Variants in RPSA2 observed in about 807,000 individuals in gnomAD.
RPSA2 encodes ribosomal protein SA 2.
the RPSA2 span, among the ~76,000 whole-genome samples, chr19:23,864,315 T>G: frequency 8.5e-5 from 13 of 152,220 alleles, no homozygotes; most frequent in Non-Finnish European, 7.3e-5. Context: ...ATGTATTTCT[T>G]TATTAACATT....
At chr19:23,813,536 AT>A in the RPSA2 span, among the ~76,000 whole-genome samples, 2 of 151,842 alleles carry the variant, frequency 1.3e-5, no homozygotes, top group South Asian at 4.1e-4. Flanking sequence ...GATTTTTAAG[AT>A]TTTTTTTAAG....
chr19:23,848,120 G>C, the RPSA2 span, among the ~76,000 whole-genome samples: 7 of 152,292 alleles, frequency 4.6e-5, no homozygotes, highest in African/African-American at 1.7e-4. Context: ...TACATCCTCA[G>C]CTTATGAAGA....
chr19:23,761,934 T>TCTTTCTCTCTCTCTCTCTC, the RPSA2 span, among the ~76,000 whole-genome samples: 4 of 129,892 alleles, frequency 3.1e-5, no homozygotes, highest in Non-Finnish European at 1.6e-5. Flanking sequence ...TTTTTTTTTT[T>TCTTTCTCTCTCTCTCTCTC]TGAGATGGAG....
the RPSA2 span, among the ~76,000 whole-genome samples, chr19:23,840,668 A>T: frequency 6.6e-6 from 1 of 152,192 alleles, no homozygotes; most frequent in Non-Finnish European, 1.5e-5. Context: ...TAGAAATTAC[A>T]AAACATGCGC....
chr19:23,869,629 CCTT>C, the RPSA2 span, among the ~76,000 whole-genome samples: 294 of 152,302 alleles, frequency 1.9e-3, no homozygotes, highest in African/African-American at 6.2e-3. Flanking sequence ...TTTGAATACT[CCTT>C]CTTTATACCA....
the RPSA2 span, among the ~76,000 whole-genome samples, chr19:23,775,746 A>G: frequency 3.3e-5 from 5 of 152,230 alleles, no homozygotes; most frequent in African/African-American, 1.2e-4. Context: ...TTAGTCTGTG[A>G]TTCCACTAAG....
At chr19:23,826,854 T>G in the RPSA2 span, among the ~76,000 whole-genome samples, 2 of 130,824 alleles carry the variant, frequency 1.5e-5, no homozygotes, top group Middle Eastern at 7.3e-3. Flanking sequence ...TTTGGCTAAT[T>G]TTTGTATTTT....
At chr19:23,867,407 A>G in the RPSA2 span, among the ~76,000 whole-genome samples, 1 of 152,260 alleles carries the variant, frequency 6.6e-6, no homozygotes, top group African/African-American at 2.4e-5. Context: ...TGGATATGAG[A>G]CTTACAAATG....
At chr19:23,853,537 C>A in the RPSA2 span, among the ~76,000 whole-genome samples, 1 of 152,226 alleles carries the variant, frequency 6.6e-6, no homozygotes, top group African/African-American at 2.4e-5. Context: ...GGAGGCATGG[C>A]ATTGGCTGCC....
At chr19:23,758,685 G>A in the RPSA2 span, 6 of 1,613,476 alleles carry the variant, frequency 3.7e-6, no homozygotes, top group Non-Finnish European at 5.1e-6. Context: ...TGACTGCGGC[G>A]AGGTCTGAGT....
At chr19:23,763,626 G>A in the RPSA2 span, among the ~76,000 whole-genome samples, 1 of 152,030 alleles carries the variant, frequency 6.6e-6, no homozygotes, top group Non-Finnish European at 1.5e-5. Flanking sequence ...GCGCCACCCC[G>A]CCTGGCTAAT....
At chr19:23,835,570 G>A in the RPSA2 span, among the ~76,000 whole-genome samples, 1 of 151,974 alleles carries the variant, frequency 6.6e-6, no homozygotes, top group Admixed American at 6.6e-5. Flanking sequence ...AATTTGACTG[G>A]TACTCATGCT....
At chr19:23,815,550 C>T in the RPSA2 span, among the ~76,000 whole-genome samples, 1 of 152,172 alleles carries the variant, frequency 6.6e-6, no homozygotes, top group Non-Finnish European at 1.5e-5. Flanking sequence ...AGACACTCAC[C>T]AGAAGCAGAT....
the RPSA2 span, among the ~76,000 whole-genome samples, chr19:23,852,048 A>G: frequency 1.3e-5 from 2 of 152,190 alleles, no homozygotes; most frequent in Admixed American, 1.3e-4. Flanking sequence ...CTAAATCATT[A>G]TGTTGAACTA....
the RPSA2 span, among the ~76,000 whole-genome samples, chr19:23,767,130 C>T: frequency 6.6e-6 from 1 of 151,692 alleles, no homozygotes. Flanking sequence ...TTAGTAGAGA[C>T]GGGGTTTCGC....
chr19:23,843,292 G>A, the RPSA2 span: 4 of 175,870 alleles, frequency 2.3e-5, no homozygotes, highest in African/African-American at 7.1e-5. Flanking sequence ...AAGCATGAAT[G>A]AAGCAGATAA....
the RPSA2 span, among the ~76,000 whole-genome samples, chr19:23,830,867 A>C: frequency 2.6e-5 from 4 of 152,216 alleles, no homozygotes; most frequent in South Asian, 8.3e-4. Context: ...TTGGACATTA[A>C]AAAAAGCTAC....
chr19:23,765,074 A>G, the RPSA2 span, among the ~76,000 whole-genome samples: 8 of 152,194 alleles, frequency 5.3e-5, no homozygotes, highest in South Asian at 1.2e-3. Context: ...CTCTCAGAAG[A>G]GCAACTGGAT....
chr19:23,813,570 C>G, the RPSA2 span, among the ~76,000 whole-genome samples: 1 of 151,678 alleles, frequency 6.6e-6, no homozygotes, highest in Non-Finnish European at 1.5e-5. Context: ...TCCATTGTAT[C>G]AAATATGTCT....
Sources: gnomAD v4.1 joint callset for allele counts (sites outside exome capture counted in the v4.1 genomes callset) on GRCh38, gnomAD v4.1.1 for gene constraint, MANE v1.5 for transcripts, NCBI Gene and HGNC (gene_info 2026-07-23, HGNC 2026-07-21) for gene names.